MED12L: variants seen among roughly 807,000 people sequenced by gnomAD.
The protein encoded by MED12L is mediator of RNA polymerase II transcription subunit 12-like protein.
MED12L carries 60 observed loss-of-function variants against 281.3 expected under a neutral mutation model. The ratio of observed to expected loss-of-function variants is 0.21; its 90% CI spans 0.17 to 0.26. The LOEUF (loss-of-function observed/expected upper bound fraction) is 0.26. MED12L is among the 10% of genes least tolerant of loss of function. The probability of loss-of-function intolerance (pLI) is 1.00; values close to 1 mark genes in which losing one functional copy is unlikely to be tolerated. For missense variants in MED12L, 2,146 were observed against 2,680.9 expected, an observed-to-expected ratio of 0.80 and a Z score of 4.41; for synonymous variants, 974 against 987.2, an observed-to-expected ratio of 0.99 and a Z score of 0.25.
intron 17 of MED12L, among the ~76,000 whole-genome samples, chr3:151,352,365 G>A (rs1321199529): frequency 6.6e-6 from 1 of 152,128 alleles, no homozygotes; most frequent in Non-Finnish European, 1.5e-5. Flanking sequence ...CCACATCGTT[G>A]GGAGGGGATT....
chr3:151,176,091 T>C (rs1722013116), intron 11 of MED12L, among the ~76,000 whole-genome samples: 1 of 152,228 alleles, frequency 6.6e-6, no homozygotes, highest in African/African-American at 2.4e-5. Flanking sequence ...TGTGGACCCC[T>C]GTCCCACTCC....
At chr3:151,353,491 T>A (rs921548864) in intron 17 of MED12L, among the ~76,000 whole-genome samples, 1 of 152,248 alleles carries the variant, frequency 6.6e-6, no homozygotes, top group Non-Finnish European at 1.5e-5. Flanking sequence ...GGCACAAGCT[T>A]GTAACTTATG....
At chr3:151,303,037 G>A (rs946793658) in intron 16 of MED12L, among the ~76,000 whole-genome samples, 2 of 152,130 alleles carry the variant, frequency 1.3e-5, no homozygotes, top group Non-Finnish European at 2.9e-5. Context: ...AATCAGAAAG[G>A]AGCACATGGA....
At chr3:151,269,762 G>T (rs887082965) in intron 16 of MED12L, 2 of 424,922 alleles carry the variant, frequency 4.7e-6, no homozygotes, top group African/African-American at 2.1e-5. Context: ...AATGAGAGTG[G>T]TGATCTATTT....
At chr3:151,110,486 T>C (rs1001663355) in intron 2 of MED12L, among the ~76,000 whole-genome samples, 8 of 152,210 alleles carry the variant, frequency 5.3e-5, no homozygotes, top group African/African-American at 1.9e-4. Context: ...TTGAATCTTA[T>C]TCTTATCTTT....
rs1714725006 is a variant in MED12L at position 151,394,673 on chromosome 3, C to T, written c.5626C>T (p.Pro1876Ser). 1 of 1,614,092 alleles carries T rather than the reference C, an allele frequency of 6.2e-7. No individual in the cohort carries two copies. The highest frequency in any genetic ancestry group is 1.3e-5 in the African/African-American group (1 of 74,934). Residue 1876 changes from proline (P) to serine (S), a missense_variant, in exon 39 of 45, where the codon CCT becomes TCT. Around this residue, in one of 9 missense-constraint regions of MED12L, gnomAD observed 496 missense variants for 512.0 expected, o/e 0.97. Coordinates refer to ENST00000687756, the MANE Select transcript of MED12L (RefSeq NM_001393769.1). ...SLTPGGSRLDPAGSFVPTNTK... is the reference protein window; with the variant it reads ...SLTPGGSRLDSAGSFVPTNTK... ...TTTTGTAGGTGGCTCCAGATTGGAC[C>T]CTGCAGGCTCCTTTGTCCCAACCAA...
At chr3:151,334,257 T>G (rs1228006537) in intron 16 of MED12L, among the ~76,000 whole-genome samples, 1 of 138,390 alleles carries the variant, frequency 7.2e-6, no homozygotes, top group Non-Finnish European at 1.6e-5. Context: ...TTGCCCCATT[T>G]AAAAAAAAAA....
At chr3:151,319,190 T>C (rs1748677099) in intron 16 of MED12L, among the ~76,000 whole-genome samples, 1 of 152,146 alleles carries the variant, frequency 6.6e-6, no homozygotes, top group African/African-American at 2.4e-5. Flanking sequence ...ATGAAAAAAG[T>C]GTAACACTTT....
intron 16 of MED12L, among the ~76,000 whole-genome samples, chr3:151,245,379 T>A (rs1406074959): frequency 6.6e-6 from 1 of 151,124 alleles, no homozygotes; most frequent in Non-Finnish European, 1.5e-5. Flanking sequence ...AATAAAATAC[T>A]GGCAAACTGA....
At chr3:151,410,895 T>C (rs1028561340) in intron 40 of MED12L, among the ~76,000 whole-genome samples, 3 of 152,198 alleles carry the variant, frequency 2.0e-5, no homozygotes, top group South Asian at 2.1e-4. Flanking sequence ...GGAAATGATA[T>C]TAATAATACT....
At chr3:151,227,841 G>C (rs1158616438) in intron 16 of MED12L, among the ~76,000 whole-genome samples, 1 of 152,168 alleles carries the variant, frequency 6.6e-6, no homozygotes, top group Non-Finnish European at 1.5e-5. Flanking sequence ...TTCGGTTTCA[G>C]TTCTTTGTGG....
chr3:151,105,869 C>T (rs1721951965), intron 2 of MED12L, among the ~76,000 whole-genome samples: 1 of 152,200 alleles, frequency 6.6e-6, no homozygotes, highest in Non-Finnish European at 1.5e-5. Flanking sequence ...AACTTGTGAT[C>T]TGCTCCCCTT....
intron 16 of MED12L, among the ~76,000 whole-genome samples, chr3:151,271,097 T>G (rs1740862176): frequency 6.6e-6 from 1 of 152,028 alleles, no homozygotes; most frequent in African/African-American, 2.4e-5. Flanking sequence ...AGCCATAGAT[T>G]GGGGAGTAAA....
At chr3:151,287,337 A>G (rs967877226) in intron 16 of MED12L, among the ~76,000 whole-genome samples, 8 of 152,148 alleles carry the variant, frequency 5.3e-5, no homozygotes, top group Non-Finnish European at 8.8e-5. Context: ...CAGACTTGCT[A>G]CTGCTGGGGT....
chr3:151,149,425 T>C (rs2148902030), intron 5 of MED12L, among the ~76,000 whole-genome samples: 1 of 152,298 alleles, frequency 6.6e-6, no homozygotes, highest in African/African-American at 2.4e-5. Context: ...ATAGCATATG[T>C]CAAAAAAAGT....
intron 39 of MED12L, among the ~76,000 whole-genome samples, chr3:151,395,499 A>G (rs954584273): frequency 6.6e-6 from 1 of 152,188 alleles, no homozygotes; most frequent in Non-Finnish European, 1.5e-5. Context: ...ATCAGCACTT[A>G]GTATAAACTC....
At chr3:151,390,910 G>T (rs1046511048) in intron 38 of MED12L, among the ~76,000 whole-genome samples, 2 of 152,168 alleles carry the variant, frequency 1.3e-5, no homozygotes, top group Non-Finnish European at 2.9e-5. Context: ...TAAAGGAACT[G>T]GTCTGGTAGT....
intron 16 of MED12L, among the ~76,000 whole-genome samples, chr3:151,258,197 G>A (rs1013614998): frequency 1.3e-5 from 2 of 152,186 alleles, no homozygotes; most frequent in Admixed American, 1.3e-4. Flanking sequence ...CTGTGAGATG[G>A]ATTAGAAAGA....
In MED12L at chr3:151,380,310, A is replaced by G. The variant is rs575167765; in HGVS notation, c.4590+86A>G. 5.4e-6 allele frequency: 5 copies of G among 920,720 alleles called. No homozygotes were observed. The East Asian group carries it at 1.2e-4, about 21-fold the overall frequency. The allele number at this position is 920,720 out of a possible 1,614,324, so 57.0% of individuals were successfully genotyped here. On this transcript the variant is annotated intron_variant, in intron 32 of 44. Transcript: ENST00000687756. Reference sequence around the variant, plus strand: ...CCTTTCAAATACTGAGATTAAATTAATAAGGGCCAGGTGTGGTGGCTCATG... The same window carrying G: ...CCTTTCAAATACTGAGATTAAATTAGTAAGGGCCAGGTGTGGTGGCTCATG...
Sources: gnomAD v4.1 joint callset for allele counts (sites outside exome capture counted in the v4.1 genomes callset) on GRCh38, gnomAD v4.1.1 for gene constraint, gnomAD v4.1.1 regional missense constraint, MANE v1.5 for transcripts, NCBI Gene and HGNC (gene_info 2026-07-23, HGNC 2026-07-21) for gene names.